Variants in SLC26A9 observed in about 807,000 individuals in gnomAD.
The protein encoded by SLC26A9 is anion transporter/exchanger protein 9.
In SLC26A9, 46 loss-of-function variants were observed where a neutral mutation model predicts 87.1. That is an observed-to-expected ratio of 0.53 (90% CI 0.42 to 0.67). SLC26A9 has a LOEUF of 0.67. Ranked by LOEUF, SLC26A9 falls within the 30% of genes least tolerant of loss-of-function variation. SLC26A9 has a pLI of 0.00. For synonymous variants in SLC26A9, 437 were observed against 409.1 expected (o/e 1.07, Z -0.82); for missense variants, 927 against 1,018.3 (o/e 0.91, Z 1.22).
intron 5 of SLC26A9, among the ~76,000 whole-genome samples, chr1:205,930,910 G>C (rs1438075758): frequency 1.3e-5 from 2 of 152,142 alleles, no homozygotes; most frequent in African/African-American, 4.8e-5. Flanking sequence ...GCTCTACTTT[G>C]CTGCTTATCT....
chr1:205,928,038 G>T lies in SLC26A9; in HGVS notation c.965C>A (p.Pro322Gln), dbSNP rs552851181. The change falls in exon 9 of 21, where the codon CCG (proline) becomes CAG (glutamine). Residue 322 changes from proline to glutamine, a missense_variant. By Grantham distance (76) the Pro-to-Gln change is moderately conservative (BLOSUM62 -1). Transcript: ENST00000367135. ...VGEIQRGFPT[P>Q]VSPVVSQWKD... ...CCACTGTGAGACCACAGGCGACACCGGGGTGGGGAACCTGCCGAGGAGCCA... is the reference window on the plus strand; with the variant it reads ...CCACTGTGAGACCACAGGCGACACCTGGGTGGGGAACCTGCCGAGGAGCCA... 6.2e-7 allele frequency: 1 copy of T among 1,613,792 alleles called. No individual in the cohort carries two copies. Among genetic ancestry groups the T allele is most frequent in the Admixed American group, 1.7e-5 (1 of 60,012 alleles).
intron 20 of SLC26A9, among the ~76,000 whole-genome samples, chr1:205,916,220 C>A (rs1351501889): frequency 6.6e-6 from 1 of 152,200 alleles, no homozygotes; most frequent in Non-Finnish European, 1.5e-5. Flanking sequence ...CCTCAGACTT[C>A]CGAGTAGCTG....
rs1658460644 is a variant in SLC26A9 at position 205,913,659 on chromosome 1, C to G, written c.*1698G>C. ...AGGCTCTTGTCCTCCTGGAATTTGG[C>G]ACTTCGGGTGCTGGGCACGGTGAAT... On this transcript the variant is annotated 3_prime_UTR_variant, in exon 21 of 21. Coordinates refer to ENST00000367135, the MANE Select transcript of SLC26A9 (RefSeq NM_052934.4). 1.3e-5 allele frequency: 2 copies of G among 152,646 alleles called. No individual in the cohort carries two copies. The highest frequency in any genetic ancestry group is 4.8e-5 in the African/African-American group (2 of 41,434). The allele number at this position is 152,646 out of a possible 1,614,324, so 9.5% of individuals were successfully genotyped here.
In SLC26A9 at chr1:205,923,081, C is replaced by T. The variant is rs1410395580; in HGVS notation, c.1773+1G>A. On this transcript the variant is annotated splice_donor_variant, in intron 16 of 20. Transcript: ENST00000367135. LOFTEE classifies it high-confidence loss of function. ...CGGGGCTGCTTCTGGCCTTCATTCACCTTGGTTTTCATGAATAGAGACCTC... is the reference window on the plus strand; with the variant it reads ...CGGGGCTGCTTCTGGCCTTCATTCATCTTGGTTTTCATGAATAGAGACCTC... The T allele has an allele frequency of 6.2e-7, 1 of 1,613,438 alleles. No homozygotes were observed. Among genetic ancestry groups the T allele is most frequent in the African/African-American group, 1.3e-5 (1 of 74,866 alleles).
At chr1:205,931,242 T>C (rs1659290648) in intron 5 of SLC26A9, among the ~76,000 whole-genome samples, 1 of 152,156 alleles carries the variant, frequency 6.6e-6, no homozygotes, top group Non-Finnish European at 1.5e-5. Flanking sequence ...TAGAGAAAAT[T>C]AGCAGTCTGC....
intron 13 of SLC26A9, 67 bp downstream of exon 13, chr1:205,924,316 G>T: frequency 6.8e-7 from 1 of 1,460,536 alleles, no homozygotes; most frequent in Non-Finnish European, 9.6e-7. Context: ...GCCGTGGCAT[G>T]GAAGCCCTTT....
intron 3 of SLC26A9, 55 bp downstream of exon 3, chr1:205,932,890 G>C: frequency 6.2e-7 from 1 of 1,609,490 alleles, no homozygotes; most frequent in Non-Finnish European, 8.5e-7. Flanking sequence ...TGGGGATGAG[G>C]AGAGGAATGG....
chr1:205,930,073 G>A lies in SLC26A9; in HGVS notation c.553-17C>T, dbSNP rs953336768. The A allele has an allele frequency of 7.0e-6, 11 of 1,581,146 alleles. No homozygotes were observed. Among genetic ancestry groups the A allele is most frequent in the Non-Finnish European group, 7.8e-6 (9 of 1,155,738 alleles). On this transcript the variant is annotated splice_polypyrimidine_tract_variant and intron_variant, in intron 5 of 20. Coordinates refer to ENST00000367135, the MANE Select transcript of SLC26A9 (RefSeq NM_052934.4). ...CAGACCCATCTGAGAGGAGGAAAAG[G>A]GTGGTTGGTGGCGGAAGACCAATGT... is the stretch of plus-strand genomic sequence containing the variant.
At chr1:205,933,823 G>T (rs1659404464) in intron 2 of SLC26A9, among the ~76,000 whole-genome samples, 1 of 152,112 alleles carries the variant, frequency 6.6e-6, no homozygotes, top group East Asian at 1.9e-4. Context: ...GAATTCATTG[G>T]TCAACGCAGG....
At chr1:205,936,492 C>T (rs938125177) in intron 1 of SLC26A9, among the ~76,000 whole-genome samples, 1 of 152,136 alleles carries the variant, frequency 6.6e-6, no homozygotes. Flanking sequence ...TGTGTACTGC[C>T]GCTCCTCTCC....
chr1:205,930,815 C>T (rs944561231), intron 5 of SLC26A9, among the ~76,000 whole-genome samples: 2 of 152,188 alleles, frequency 1.3e-5, no homozygotes, highest in Non-Finnish European at 2.9e-5. Context: ...TGGTTAAGTT[C>T]TCATCCTTTA....
chr1:205,923,124 C>T lies in SLC26A9; in HGVS notation c.1731G>A (p.Met577Ile), dbSNP rs1658910974. Residue 577 changes from methionine to isoleucine, a missense_variant, in exon 16 of 21, where the codon ATG becomes ATA. Physicochemically the swap from Met to Ile is conservative, Grantham distance 10. Coordinates refer to ENST00000367135, the MANE Select transcript of SLC26A9 (RefSeq NM_052934.4). ...KYLKKQEKRRMRPTQQRRSLF... is the reference protein window; with the variant it reads ...KYLKKQEKRRIRPTQQRRSLF... ...GAGACCTCCTCTGTTGTGTGGGCCT[C>T]ATTCTCCGCTTCTCCTGCTTCTTGA... is the stretch of plus-strand genomic sequence containing the variant. The T allele has an allele frequency of 2.5e-6, 4 of 1,614,020 alleles. No homozygotes were observed. Among genetic ancestry groups the T allele is most frequent in the Non-Finnish European group, 3.4e-6 (4 of 1,180,030 alleles).
chr1:205,939,761 A>C (rs1300490211), intron 1 of SLC26A9, among the ~76,000 whole-genome samples: 3 of 152,128 alleles, frequency 2.0e-5, no homozygotes, highest in African/African-American at 7.2e-5. Flanking sequence ...TAGGGGCAGG[A>C]AAGTGGAAGA....
At chr1:205,925,897 G>A (rs1659045694) in intron 12 of SLC26A9, among the ~76,000 whole-genome samples, 1 of 152,226 alleles carries the variant, frequency 6.6e-6, no homozygotes, top group South Asian at 2.1e-4. Context: ...TGATGCGGTG[G>A]AGTGTGTGAC....
At position 205,923,400 on chromosome 1, in the gene SLC26A9, T is replaced by C. The variant is rs1258948765; in HGVS notation, c.1594A>G (p.Ile532Val). ...AAGTAGAGAGGGGAGCAGTACGTGA[T>C]GATTTTAATCCCCTGGATATCCTGG... ...RAQDIQGIKI[I>V]TYCSPLYFAN... The change falls in exon 15 of 21, where the codon ATC (isoleucine) becomes GTC (valine). Residue 532 changes from isoleucine to valine, a missense_variant. Transcript: ENST00000367135. 4.3e-6 allele frequency: 7 copies of C among 1,614,230 alleles called. No individual in the cohort carries two copies. Among genetic ancestry groups the C allele is most frequent in the South Asian group, 1.1e-5 (1 of 91,088 alleles).
Position 205,928,064 on chromosome 1 carries a change from G to T in SLC26A9, c.954-15C>A. The T allele has an allele frequency of 6.2e-7, 1 of 1,612,432 alleles. No individual in the cohort carries two copies. The highest frequency in any genetic ancestry group is 2.2e-5 in the East Asian group (1 of 44,868). On this transcript the variant is annotated splice_polypyrimidine_tract_variant and intron_variant, in intron 8 of 20. Coordinates refer to ENST00000367135, the MANE Select transcript of SLC26A9 (RefSeq NM_052934.4). ...GGGTGGGGAACCTGCCGAGGAGCCA[G>T]GAAGGAGGCAGAACCCAAGGGTGTG...
In SLC26A9 at chr1:205,917,339, C is replaced by T; in HGVS notation, c.2272G>A (p.Glu758Lys). 1 of 1,614,026 alleles carries T rather than the reference C, an allele frequency of 6.2e-7. No homozygotes were observed. Among genetic ancestry groups the T allele is most frequent in the Non-Finnish European group, 8.5e-7 (1 of 1,179,984 alleles). ...TCCTCTGAGTCGTACAAGGAGAGCT[C>T]AGCATCCCCTGGAGCCTGGAAGGGA... is the stretch of plus-strand genomic sequence containing the variant. ...HNFQGAPGDA[E>K]LSLYDSEEDI... Residue 758 changes from glutamate (E) to lysine (K), a missense_variant, in exon 20 of 21, where the codon GAG (glutamate) becomes AAG (lysine). Transcript: ENST00000367135.
intron 16 of SLC26A9, among the ~76,000 whole-genome samples, chr1:205,922,267 G>T: frequency 6.6e-6 from 1 of 152,218 alleles, no homozygotes; most frequent in Non-Finnish European, 1.5e-5. Flanking sequence ...CTCCTGAGTA[G>T]CTGGGATTAC....
At chr1:205,921,441 C>T in intron 17 of SLC26A9, 125 bp downstream of exon 17, 1 of 1,223,152 alleles carries the variant, frequency 8.2e-7, no homozygotes, top group Non-Finnish European at 1.1e-6. Context: ...TTCCTAGGAG[C>T]TGTTAGTCTC....
Sources: gnomAD v4.1 joint callset for allele counts (sites outside exome capture counted in the v4.1 genomes callset) on GRCh38, gnomAD v4.1.1 for gene constraint, MANE v1.5 for transcripts, NCBI Gene and HGNC (gene_info 2026-07-23, HGNC 2026-07-21) for gene names.